Variants in MRAP2 observed in about 807,000 individuals in gnomAD.
MRAP2 encodes the protein melanocortin 2 receptor accessory protein 2, also known as melanocortin-2 receptor accessory protein 2.
A neutral mutation model predicts 17.4 loss-of-function variants in MRAP2; 20 were observed. The observed-to-expected ratio is 1.15, with a 90% confidence interval of 0.81 to 1.67. MRAP2 has a LOEUF of 1.67. MRAP2 is among the 40% of genes most tolerant of loss of function. The pLI, the probability that MRAP2 is intolerant of heterozygous loss-of-function variation, is 0.00. For synonymous variants in MRAP2, 96 were observed against 88.4 expected (o/e 1.09, Z -0.48); for missense variants, 238 against 240.0 (o/e 0.99, Z 0.05).
At chr6:84,138,103 A>T in the MRAP2 span, among the ~76,000 whole-genome samples, 1 of 152,210 alleles carries the variant, frequency 6.6e-6, no homozygotes, top group Non-Finnish European at 1.5e-5. Context: ...TGTTAAAAAC[A>T]CATAAGCAAT....
At chr6:84,127,351 C>G in the MRAP2 span, among the ~76,000 whole-genome samples, 1 of 152,040 alleles carries the variant, frequency 6.6e-6, no homozygotes, top group African/African-American at 2.4e-5. Context: ...CAGTATCTTA[C>G]CTACATTAGT....
chr6:84,132,039 G>A, the MRAP2 span, among the ~76,000 whole-genome samples: 1 of 152,158 alleles, frequency 6.6e-6, no homozygotes, highest in East Asian at 1.9e-4. Context: ...CATGCCTGGT[G>A]GTGACAAAAT....
chr6:84,092,404 A>G (rs901076670), downstream of MRAP2, among the ~76,000 whole-genome samples: 1 of 152,146 alleles, frequency 6.6e-6, no homozygotes, highest in Non-Finnish European at 1.5e-5. Flanking sequence ...CACAGTCTCA[A>G]TTCATTATAG....
intron 1 of MRAP2, among the ~76,000 whole-genome samples, chr6:84,039,204 T>C (rs34373064): frequency 2.0e-5 from 3 of 152,356 alleles, no homozygotes; most frequent in East Asian, 3.9e-4. Context: ...CATTAGTCTG[T>C]TGTTCATGAC....
chr6:84,108,065 AT>A, the MRAP2 span, among the ~76,000 whole-genome samples: 1 of 152,196 alleles, frequency 6.6e-6, no homozygotes, highest in Non-Finnish European at 1.5e-5. Context: ...TTTAGTCTTA[AT>A]TATTATGCCC....
chr6:84,058,915 G>T (rs547999058), intron 2 of MRAP2, among the ~76,000 whole-genome samples: 140 of 152,260 alleles, frequency 9.2e-4, no homozygotes, highest in Middle Eastern at 6.8e-3. Context: ...CAGTTTTAGT[G>T]GAATGCTGGG....
intron 2 of MRAP2, among the ~76,000 whole-genome samples, chr6:84,059,620 A>T (rs1456049211): frequency 6.6e-6 from 1 of 152,154 alleles, no homozygotes; most frequent in Non-Finnish European, 1.5e-5. Context: ...CATTCCATTC[A>T]TTAAAGGTTA....
rs2099493541 is a variant in MRAP2, at chr6:84,062,883, T to C, written c.128-10T>C. On this transcript the variant is annotated splice_polypyrimidine_tract_variant and intron_variant, in intron 2 of 3. Transcript: ENST00000257776. ...GTGAAATACTAATCCCAGAATTAACTGTCTTTCAGATTCCATTGTGATTGG... is the reference window on the plus strand; with the variant it reads ...GTGAAATACTAATCCCAGAATTAACCGTCTTTCAGATTCCATTGTGATTGG... The C allele has an allele frequency of 1.5e-5, 24 of 1,614,106 alleles. No individual in the cohort carries two copies. In the East Asian group the frequency reaches 2.0e-4, roughly 13 times the overall value.
chr6:84,131,256 A>C, the MRAP2 span, among the ~76,000 whole-genome samples: 1 of 152,276 alleles, frequency 6.6e-6, no homozygotes, highest in Admixed American at 6.5e-5. Context: ...GCATTTGCTG[A>C]GGAGTGTTTT....
chr6:84,080,126 C>T (rs1474306502), intron 3 of MRAP2, among the ~76,000 whole-genome samples: 7 of 152,008 alleles, frequency 4.6e-5, no homozygotes, highest in South Asian at 2.1e-4. Flanking sequence ...CTCCGCCTCC[C>T]GGGTTCACGC....
chr6:84,092,451 T>C (rs967159015), downstream of MRAP2, among the ~76,000 whole-genome samples: 3 of 152,188 alleles, frequency 2.0e-5, no homozygotes, highest in Non-Finnish European at 2.9e-5. Context: ...CTAAATCTTA[T>C]CAGCTTAAAA....
chr6:84,098,044 A>G, the MRAP2 span, among the ~76,000 whole-genome samples: 1 of 152,218 alleles, frequency 6.6e-6, no homozygotes, highest in Non-Finnish European at 1.5e-5. Flanking sequence ...TCAAGAAACC[A>G]TCACCACAAT....
intron 2 of MRAP2, among the ~76,000 whole-genome samples, chr6:84,059,814 A>G (rs1284076071): frequency 6.6e-6 from 1 of 152,210 alleles, no homozygotes; most frequent in Admixed American, 6.5e-5. Context: ...ATCTAGCCTC[A>G]TTGGAGCTTT....
the MRAP2 span, among the ~76,000 whole-genome samples, chr6:84,097,610 C>T: frequency 6.6e-6 from 1 of 151,908 alleles, no homozygotes; most frequent in Non-Finnish European, 1.5e-5. Flanking sequence ...CTATTTTGTC[C>T]ATCATTTCCT....
At chr6:84,065,114 G>T (rs61604960) in intron 3 of MRAP2, among the ~76,000 whole-genome samples, 20,331 of 151,848 alleles carry the variant, frequency 0.13, 1,438 homozygotes, top group Middle Eastern at 0.25. Flanking sequence ...GCAAAACCCT[G>T]TGTCTACAAA....
the MRAP2 span, chr6:84,125,292 T>C: frequency 6.2e-7 from 1 of 1,607,258 alleles, no homozygotes; most frequent in Non-Finnish European, 8.5e-7. Flanking sequence ...AATACAAAAA[T>C]TCCACATTGC....
intron 1 of MRAP2, among the ~76,000 whole-genome samples, chr6:84,037,577 TG>T (rs1303230988): frequency 6.7e-6 from 1 of 149,306 alleles, no homozygotes; most frequent in Non-Finnish European, 1.5e-5. Context: ...CACCACGGGG[TG>T]GGGGGCTGGG....
At chr6:84,046,005 A>G (rs2099488922) in intron 1 of MRAP2, among the ~76,000 whole-genome samples, 1 of 152,156 alleles carries the variant, frequency 6.6e-6, no homozygotes, top group South Asian at 2.1e-4. Context: ...TTTCAGCCAT[A>G]ATAGGTAGCT....
chr6:84,079,629 C>A (rs904276814), intron 3 of MRAP2, among the ~76,000 whole-genome samples: 2 of 152,096 alleles, frequency 1.3e-5, no homozygotes, highest in African/African-American at 4.8e-5. Context: ...ATTGTCAACC[C>A]AAATTAACAA....
Sources: allele counts gnomAD v4.1 joint callset (sites outside exome capture counted in the v4.1 genomes callset), GRCh38; gene constraint gnomAD v4.1.1; transcripts MANE v1.5; gene names NCBI Gene and HGNC (gene_info 2026-07-23, HGNC 2026-07-21).